Variants in PABPC4L observed in about 807,000 individuals in gnomAD.
PABPC4L encodes poly(A) binding protein cytoplasmic 4 like, also known as polyadenylate-binding protein 4-like.
For missense variants in PABPC4L, 452 were observed against 451.4 expected (o/e 1.00, Z -0.01); for synonymous variants, 169 against 164.1 (o/e 1.03, Z -0.23).
the PABPC4L span, among the ~76,000 whole-genome samples, chr4:133,977,472 G>A: frequency 6.6e-6 from 1 of 151,422 alleles, no homozygotes; most frequent in South Asian, 2.1e-4. Context: ...TAGTTTAATG[G>A]GAATAGCACT....
the PABPC4L span, among the ~76,000 whole-genome samples, chr4:133,970,057 TATTTAAAATATTTAAAAA>T: frequency 6.9e-6 from 1 of 144,756 alleles, no homozygotes; most frequent in South Asian, 2.2e-4. Flanking sequence ...TTATTTAAAA[TATTTAAAATATTTAAAAA>T]ATATATATAT....
chr4:133,964,423 A>G, the PABPC4L span, among the ~76,000 whole-genome samples: 1 of 152,140 alleles, frequency 6.6e-6, no homozygotes, highest in East Asian at 1.9e-4. Context: ...TATTGACACT[A>G]TTCCACAAGA....
the PABPC4L span, among the ~76,000 whole-genome samples, chr4:134,049,018 T>A: frequency 2.6e-5 from 4 of 152,046 alleles, no homozygotes; most frequent in African/African-American, 9.7e-5. Flanking sequence ...AGTCCCATCA[T>A]CAAATGTTTC....
chr4:134,018,868 A>G, the PABPC4L span, among the ~76,000 whole-genome samples: 1 of 152,122 alleles, frequency 6.6e-6, no homozygotes, highest in African/African-American at 2.4e-5. Context: ...AAGTAACTCC[A>G]ATTTGATTTC....
upstream of PABPC4L, chr4:134,201,880 T>A (rs887630131): frequency 4.6e-5 from 7 of 152,474 alleles, no homozygotes; most frequent in African/African-American, 1.7e-4. Flanking sequence ...ATGGCTAAGC[T>A]GAGAAGCAGG....
the PABPC4L span, among the ~76,000 whole-genome samples, chr4:133,958,812 T>A: frequency 2.0e-5 from 3 of 152,154 alleles, no homozygotes; most frequent in Admixed American, 2.0e-4. Context: ...TAAGATTCAA[T>A]TACCTCCCAC....
the PABPC4L span, among the ~76,000 whole-genome samples, chr4:134,051,121 A>G: frequency 6.6e-6 from 1 of 152,192 alleles, no homozygotes; most frequent in East Asian, 1.9e-4. Context: ...ACATGCTATC[A>G]AACAAAAATC....
At chr4:134,146,765 T>C in the PABPC4L span, among the ~76,000 whole-genome samples, 1 of 152,012 alleles carries the variant, frequency 6.6e-6, no homozygotes, top group East Asian at 1.9e-4. Context: ...TGCTGATTGG[T>C]CCATGGGTGG....
the PABPC4L span, among the ~76,000 whole-genome samples, chr4:133,962,442 T>C: frequency 9.2e-5 from 14 of 152,002 alleles, no homozygotes; most frequent in African/African-American, 3.4e-4. Flanking sequence ...GAAAAAACAA[T>C]AAAAACTTCA....
At chr4:134,105,557 G>T in the PABPC4L span, among the ~76,000 whole-genome samples, 1 of 151,156 alleles carries the variant, frequency 6.6e-6, no homozygotes, top group African/African-American at 2.4e-5. Flanking sequence ...AAAAGCTTTG[G>T]GTATTAAAAA....
the PABPC4L span, among the ~76,000 whole-genome samples, chr4:134,053,904 T>C: frequency 6.6e-6 from 1 of 151,906 alleles, no homozygotes; most frequent in Admixed American, 6.6e-5. Flanking sequence ...TGATGCTTCT[T>C]CCTCACCTAC....
chr4:133,964,337 C>A, the PABPC4L span, among the ~76,000 whole-genome samples: 51 of 147,006 alleles, frequency 3.5e-4, no homozygotes, highest in South Asian at 8.7e-4. Flanking sequence ...TAAAAATTAC[C>A]AAAAAAAAAA....
the PABPC4L span, among the ~76,000 whole-genome samples, chr4:134,073,147 TA>T: frequency 2.6e-5 from 4 of 152,108 alleles, no homozygotes; most frequent in Non-Finnish European, 5.9e-5. Context: ...CAAAGTCCCA[TA>T]TAAGACAAGG....
the PABPC4L span, among the ~76,000 whole-genome samples, chr4:134,142,614 G>A: frequency 4.0e-5 from 6 of 151,220 alleles, no homozygotes. Context: ...GTGTTGTCAA[G>A]AAATACAATC....
chr4:134,184,952 G>A, the PABPC4L span, among the ~76,000 whole-genome samples: 1 of 151,912 alleles, frequency 6.6e-6, no homozygotes, highest in Non-Finnish European at 1.5e-5. Context: ...CTGTTCATAT[G>A]CTTATTCACC....
chr4:134,089,897 G>T, the PABPC4L span, among the ~76,000 whole-genome samples: 1 of 151,960 alleles, frequency 6.6e-6, no homozygotes, highest in Non-Finnish European at 1.5e-5. Flanking sequence ...CATCCACTAC[G>T]GATCTTGGAA....
In PABPC4L at chr4:134,199,930, T is replaced by C; in HGVS notation, c.1090A>G (p.Ile364Val). The change falls in exon 2 of 2, where the codon ATT (isoleucine) becomes GTT (valine). Residue 364 changes from isoleucine (I) to valine (V), a missense_variant. By Grantham distance (29) the Ile-to-Val change is conservative. Coordinates refer to ENST00000421491, the MANE Select transcript of PABPC4L (RefSeq NM_001114734.2). ...TCCTAGTGTCTCTGGGCCAAGGCAA[T>C]GCTAAGAGGTTTGGAGCCCAAGATG... ...GRILGSKPLS[I>V]ALAQRH is the part of the protein sequence containing the mutation. 6.4e-7 allele frequency: 1 copy of C among 1,551,544 alleles called. No individual in the cohort carries two copies. The highest frequency in any genetic ancestry group is 8.7e-7 in the Non-Finnish European group (1 of 1,146,940).
chr4:134,182,372 T>C, the PABPC4L span, among the ~76,000 whole-genome samples: 3,409 of 152,076 alleles, frequency 0.022, 128 homozygotes, highest in African/African-American at 0.077. Flanking sequence ...ATTATATAAA[T>C]GGTGCTGGGA....
chr4:133,972,630 G>A, the PABPC4L span, among the ~76,000 whole-genome samples: 3 of 152,140 alleles, frequency 2.0e-5, no homozygotes, highest in African/African-American at 7.2e-5. Flanking sequence ...GTAATTTGAT[G>A]TGAACAACAA....
Sources: gnomAD v4.1 joint callset for allele counts (sites outside exome capture counted in the v4.1 genomes callset) on GRCh38, gnomAD v4.1.1 for gene constraint, MANE v1.5 for transcripts, NCBI Gene and HGNC (gene_info 2026-07-23, HGNC 2026-07-21) for gene names.